ELOVL5: variants seen among roughly 807,000 people sequenced by gnomAD.
The protein encoded by ELOVL5 is very long chain fatty acid elongase 5.
A neutral mutation model predicts 38.6 loss-of-function variants in ELOVL5; 8 were observed. The ratio of observed to expected loss-of-function variants is 0.21; its 90% CI spans 0.12 to 0.37. ELOVL5 has a LOEUF of 0.37. Among genes scored for constraint, ELOVL5 ranks in the 10% least tolerant of loss-of-function variants. ELOVL5 has a pLI of 1.00. For missense variants in ELOVL5, 280 were observed against 367.8 expected, an observed-to-expected ratio of 0.76 and a Z score of 1.95; for synonymous variants, 127 against 133.7, an observed-to-expected ratio of 0.95 and a Z score of 0.34.
intron 3 of ELOVL5, among the ~76,000 whole-genome samples, chr6:53,281,714 A>G (rs1766367013): frequency 6.6e-6 from 1 of 152,100 alleles, no homozygotes; most frequent in African/African-American, 2.4e-5. Context: ...TCGCAGTGCT[A>G]TTAGGGAGTG....
At chr6:53,319,750 T>C (rs1237910604) in intron 1 of ELOVL5, among the ~76,000 whole-genome samples, 3 of 152,244 alleles carry the variant, frequency 2.0e-5, no homozygotes, top group Non-Finnish European at 4.4e-5. Flanking sequence ...TGCACTGTGC[T>C]GGTTCGGTAT....
chr6:53,288,000 C>G, intron 3 of ELOVL5: 1 of 1,411,892 alleles, frequency 7.1e-7, no homozygotes, highest in Non-Finnish European at 9.7e-7. Context: ...TGAGGCACAG[C>G]AGGAGAAGAG....
At chr6:53,285,428 T>C (rs867470322) in intron 3 of ELOVL5, among the ~76,000 whole-genome samples, 2 of 152,070 alleles carry the variant, frequency 1.3e-5, no homozygotes, top group Non-Finnish European at 2.9e-5. Flanking sequence ...TAGCAGAGGA[T>C]AGCTCATAAG....
intron 1 of ELOVL5, among the ~76,000 whole-genome samples, chr6:53,330,793 T>C (rs1450832901): frequency 6.6e-6 from 1 of 152,162 alleles, no homozygotes; most frequent in Non-Finnish European, 1.5e-5. Context: ...TTCTGTAAGC[T>C]TTTTTCTATT....
chr6:53,319,801 T>C (rs1171535630), intron 1 of ELOVL5, among the ~76,000 whole-genome samples: 1 of 152,236 alleles, frequency 6.6e-6, no homozygotes, highest in East Asian at 1.9e-4. Context: ...CTTGAACTTA[T>C]ATTTCAATAT....
At chr6:53,292,786 G>A (rs562555289) in intron 2 of ELOVL5, among the ~76,000 whole-genome samples, 2 of 152,270 alleles carry the variant, frequency 1.3e-5, no homozygotes, top group South Asian at 2.1e-4. Context: ...GTGAGACTCC[G>A]TCTCAAAAAT....
chr6:53,324,109 C>G (rs1423443391), intron 1 of ELOVL5, among the ~76,000 whole-genome samples: 1 of 151,056 alleles, frequency 6.6e-6, no homozygotes, highest in East Asian at 2.0e-4. Flanking sequence ...AAAAACTAGC[C>G]CGGCATGGTG....
chr6:53,303,022 T>C (rs1336102208), intron 1 of ELOVL5, among the ~76,000 whole-genome samples: 1 of 152,222 alleles, frequency 6.6e-6, no homozygotes, highest in Non-Finnish European at 1.5e-5. Flanking sequence ...ATCACTTTTA[T>C]CAGTCAACTC....
At chr6:53,318,519 T>C (rs1027216822) in intron 1 of ELOVL5, among the ~76,000 whole-genome samples, 3 of 152,222 alleles carry the variant, frequency 2.0e-5, no homozygotes, top group African/African-American at 7.2e-5. Flanking sequence ...TTCTATGCTT[T>C]AAAAAAGCAC....
In ELOVL5 at chr6:53,269,366, C is replaced by CCTTTT. The variant is rs70980834; in HGVS notation, c.757-97_757-96insAAAAG. On this transcript the variant is annotated intron_variant, in intron 7 of 7. Coordinates refer to ENST00000304434, the MANE Select transcript of ELOVL5 (RefSeq NM_021814.5). ...GCATCCCTAACACTAGGCCTAGTTT[C>CCTTTT]AAGATCAAATCTTATCAAGGAGAAA... is the stretch of plus-strand genomic sequence containing the variant. 0.37 allele frequency: 356,816 copies of CCTTTT among 959,832 alleles called. 71,061 individuals are homozygous for CCTTTT. The highest frequency in any genetic ancestry group is 0.64 in the African/African-American group (38,198 of 59,244). The allele number at this position is 959,832 out of a possible 1,614,324, so 59.5% of individuals were successfully genotyped here.
In ELOVL5 at chr6:53,305,853, G is replaced by A. The variant is rs544620065; in HGVS notation, c.-8-10146C>T. On this transcript the variant is annotated intron_variant, in intron 1 of 7. Transcript: ENST00000304434. ...CGCACTTTGTGGGGCCAAGGCAGGC[G>A]GCTGGGAGGTGGAGGTTGTAGCGAG... is the stretch of plus-strand genomic sequence containing the variant. Among the ~76,000 whole-genome samples the A allele has an allele frequency of 4.4e-3, 664 of 152,208 alleles. 7 individuals carry two copies. Among genetic ancestry groups the A allele is most frequent in the African/African-American group, 0.015 (641 of 41,564 alleles).
intron 1 of ELOVL5, among the ~76,000 whole-genome samples, chr6:53,301,908 T>C (rs577158714): frequency 3.3e-5 from 5 of 152,288 alleles, no homozygotes; most frequent in African/African-American, 1.2e-4. Flanking sequence ...CCATTCTCTT[T>C]ATAAACTACC....
intron 3 of ELOVL5, among the ~76,000 whole-genome samples, chr6:53,282,634 A>G (rs1271507225): frequency 6.6e-6 from 1 of 152,238 alleles, no homozygotes; most frequent in Non-Finnish European, 1.5e-5. Context: ...CTAAGAGTGA[A>G]AAGTATTCTA....
chr6:53,291,885 A>G lies in ELOVL5; in HGVS notation c.137T>C (p.Val46Ala), dbSNP rs879110804. 1.2e-6 allele frequency: 2 copies of G among 1,613,332 alleles called. No homozygotes were observed. The highest frequency in any genetic ancestry group is 2.2e-5 in the South Asian group (2 of 91,054). ...FICSVIYLLI[V>A]WLGPKYMRNK... Reference sequence around the variant, plus strand: ...CCTCATGTATTTTGGTCCCAGCCATACAATTAGTAAATATATGACAGAGCA... The same window carrying G: ...CCTCATGTATTTTGGTCCCAGCCATGCAATTAGTAAATATATGACAGAGCA... Residue 46 changes from valine (V) to alanine (A), a missense_variant, in exon 3 of 8, where the codon GTA (valine) becomes GCA (alanine). Val to Ala is a moderately conservative substitution (Grantham distance 64). Coordinates refer to ENST00000304434, the MANE Select transcript of ELOVL5 (RefSeq NM_021814.5).
intron 1 of ELOVL5, among the ~76,000 whole-genome samples, chr6:53,313,089 G>C (rs187356290): frequency 6.6e-6 from 1 of 152,116 alleles, no homozygotes; most frequent in Non-Finnish European, 1.5e-5. Flanking sequence ...AAAGAGGCCC[G>C]CTGTCAAACA....
chr6:53,273,461 C>G (rs760407449), intron 5 of ELOVL5, 117 bp from the exon 6 acceptor site: 16 of 954,844 alleles, frequency 1.7e-5, no homozygotes, highest in Non-Finnish European at 2.5e-5. Flanking sequence ...TGACTTCCAA[C>G]GGAGCTGACA....
intron 1 of ELOVL5, among the ~76,000 whole-genome samples, chr6:53,314,676 C>T (rs754785049): frequency 2.6e-5 from 4 of 151,670 alleles, no homozygotes; most frequent in Non-Finnish European, 5.9e-5. Context: ...CTTCAAAACA[C>T]AGAAATTGAT....
chr6:53,275,758 G>A (rs989100999), intron 4 of ELOVL5, among the ~76,000 whole-genome samples: 12 of 152,218 alleles, frequency 7.9e-5, no homozygotes, highest in African/African-American at 1.2e-4. Flanking sequence ...CTAAGGAGAT[G>A]ACTGCCCATG....
chr6:53,309,073 T>C (rs1258671633), intron 1 of ELOVL5, among the ~76,000 whole-genome samples: 2 of 152,168 alleles, frequency 1.3e-5, no homozygotes, highest in East Asian at 1.9e-4. Context: ...AAGCTCTTTT[T>C]TGGGGGATGC....
Sources: gnomAD v4.1 joint callset for allele counts (sites outside exome capture counted in the v4.1 genomes callset) on GRCh38, gnomAD v4.1.1 for gene constraint, MANE v1.5 for transcripts, NCBI Gene and HGNC (gene_info 2026-07-23, HGNC 2026-07-21) for gene names.